The following UBAC2 variants were observed in gnomAD, a reference collection of about 807,000 sequenced individuals.
UBAC2 encodes the protein ubiquitin-associated domain-containing protein 2.
In UBAC2, 26 loss-of-function variants were observed where a neutral mutation model predicts 44.0. The ratio of observed to expected loss-of-function variants is 0.59; its 90% CI spans 0.43 to 0.82. The LOEUF (loss-of-function observed/expected upper bound fraction) is 0.82, where lower values mean the gene tolerates loss of function less well. Among genes scored for constraint, UBAC2 ranks in the 40% least tolerant of loss-of-function variants. The probability of loss-of-function intolerance (pLI) is 0.00; values close to 1 mark genes in which losing one functional copy is unlikely to be tolerated. For synonymous variants in UBAC2, 155 were observed against 154.3 expected, an observed-to-expected ratio of 1.00 and a Z score of -0.04; for missense variants, 329 against 419.4, an observed-to-expected ratio of 0.78 and a Z score of 1.88.
intron 1 of UBAC2, among the ~76,000 whole-genome samples, chr13:99,220,018 G>C (rs2043037235): frequency 1.3e-5 from 2 of 152,020 alleles, no homozygotes; most frequent in Admixed American, 1.3e-4. Context: ...ACATTTGTAT[G>C]TAGGTTTTTG....
At chr13:99,260,975 A>G (rs1566474484) in intron 4 of UBAC2, among the ~76,000 whole-genome samples, 1 of 152,254 alleles carries the variant, frequency 6.6e-6, no homozygotes, top group Non-Finnish European at 1.5e-5. Flanking sequence ...AGTGAATATA[A>G]TTCAGTTAAG....
chr13:99,321,683 T>G (rs1255921610), intron 6 of UBAC2, among the ~76,000 whole-genome samples: 1 of 152,238 alleles, frequency 6.6e-6, no homozygotes, highest in Non-Finnish European at 1.5e-5. Flanking sequence ...CTTTAAAATA[T>G]TCCACTGATT....
chr13:99,340,913 A>C (rs1352261584), intron 7 of UBAC2, among the ~76,000 whole-genome samples: 6 of 152,218 alleles, frequency 3.9e-5, no homozygotes, highest in Non-Finnish European at 7.3e-5. Flanking sequence ...TAAAATGCTA[A>C]TCATATGCTA....
chr13:99,300,495 T>A (rs1347856169), intron 4 of UBAC2, among the ~76,000 whole-genome samples: 1 of 152,256 alleles, frequency 6.6e-6, no homozygotes, highest in Non-Finnish European at 1.5e-5. Context: ...TATGCGTGAC[T>A]GTTACTATCC....
chr13:99,242,324 G>T (rs1030317482), intron 2 of UBAC2, among the ~76,000 whole-genome samples: 2 of 146,624 alleles, frequency 1.4e-5, no homozygotes, highest in Non-Finnish European at 3.0e-5. Flanking sequence ...CTGGCCGGGC[G>T]GGGGGCTGAC....
At chr13:99,240,642 C>T (rs1315272607) in intron 2 of UBAC2, among the ~76,000 whole-genome samples, 4 of 152,122 alleles carry the variant, frequency 2.6e-5, no homozygotes, top group Non-Finnish European at 4.4e-5. Context: ...TCGTGTACTG[C>T]CTCATTGATC....
chr13:99,255,745 G>A (rs756424491), intron 4 of UBAC2: 3 of 1,613,818 alleles, frequency 1.9e-6, no homozygotes, highest in Non-Finnish European at 8.5e-7. Context: ...AACCCATAAT[G>A]CAGTGATGTT....
At chr13:99,230,140 A>G (rs1009818113) in intron 1 of UBAC2, among the ~76,000 whole-genome samples, 1 of 152,162 alleles carries the variant, frequency 6.6e-6, no homozygotes, top group Non-Finnish European at 1.5e-5. Flanking sequence ...TGCTTCTCTA[A>G]CAAATTATCA....
At chr13:99,378,659 G>A (rs1430307630) in intron 8 of UBAC2, among the ~76,000 whole-genome samples, 1 of 152,228 alleles carries the variant, frequency 6.6e-6, no homozygotes, top group Non-Finnish European at 1.5e-5. Flanking sequence ...ATCCTTCAAA[G>A]TCACCACCTT....
chr13:99,276,394 T>C (rs1010461291), intron 4 of UBAC2, among the ~76,000 whole-genome samples: 4 of 152,248 alleles, frequency 2.6e-5, no homozygotes, highest in Non-Finnish European at 5.9e-5. Context: ...CCAGGTCTGA[T>C]ACATTTGCAG....
At chr13:99,346,509 G>A (rs746667383) in intron 7 of UBAC2, among the ~76,000 whole-genome samples, 5 of 152,166 alleles carry the variant, frequency 3.3e-5, no homozygotes, top group Admixed American at 1.3e-4. Flanking sequence ...ATGCCTCACC[G>A]GGTTACTCAC....
chr13:99,285,314 A>G (rs2044004583), intron 4 of UBAC2, among the ~76,000 whole-genome samples: 1 of 151,134 alleles, frequency 6.6e-6, no homozygotes. Flanking sequence ...TCCCTTTGGT[A>G]GAGTATTTTT....
chr13:99,313,730 C>CTGAAGAA (rs2044446738), intron 4 of UBAC2, among the ~76,000 whole-genome samples: 1 of 152,064 alleles, frequency 6.6e-6, no homozygotes, highest in Non-Finnish European at 1.5e-5. Flanking sequence ...TGAGATGAGG[C>CTGAAGAA]TTTTGGATTT....
At chr13:99,357,450 A>G (rs768334423) in intron 7 of UBAC2, among the ~76,000 whole-genome samples, 3 of 152,244 alleles carry the variant, frequency 2.0e-5, no homozygotes, top group Non-Finnish European at 4.4e-5. Flanking sequence ...TTTCAGGGCC[A>G]TAGGAAATTA....
In UBAC2 at chr13:99,248,624, C is replaced by T. The variant is rs1019714642; in HGVS notation, c.389+4000C>T. ...TCACAAACTCCTGACCTCAGGTGAT[C>T]GACCTGCCTTGGCCTCCCAAAGTGC... is the stretch of plus-strand genomic sequence containing the variant. On this transcript the variant is annotated intron_variant, in intron 4 of 8. Coordinates refer to ENST00000403766, the MANE Select transcript of UBAC2 (RefSeq NM_001144072.2). Among the ~76,000 whole-genome samples the T allele has an allele frequency of 4.6e-5, 7 of 152,158 alleles. No individual in the cohort carries two copies. In the East Asian group the frequency reaches 5.8e-4, roughly 13 times the overall value.
chr13:99,352,628 T>C lies in UBAC2; in HGVS notation c.807+12063T>C, dbSNP rs71438002. On this transcript the variant is annotated intron_variant, in intron 7 of 8. Coordinates refer to ENST00000403766, the MANE Select transcript of UBAC2 (RefSeq NM_001144072.2). ...AGGCCAGCTTCCTTAGGAAGCTTCC[T>C]GTTGCCTCTTGGCCTCACCAGTGCT... is the stretch of plus-strand genomic sequence containing the variant. Among the ~76,000 whole-genome samples, 291 of 147,180 alleles carry C rather than the reference T, an allele frequency of 2.0e-3. 1 individual carries two copies. The highest frequency in any genetic ancestry group is 3.6e-3 in the Non-Finnish European group (234 of 64,796).
chr13:99,383,263 C>G (rs990773147), intron 8 of UBAC2, among the ~76,000 whole-genome samples: 3 of 152,258 alleles, frequency 2.0e-5, no homozygotes, highest in African/African-American at 7.2e-5. Context: ...AAAATGCTCT[C>G]GAGTCAGGTC....
At chr13:99,285,149 ATAT>A (rs564348681) in intron 4 of UBAC2, among the ~76,000 whole-genome samples, 283 of 152,254 alleles carry the variant, frequency 1.9e-3, no homozygotes, top group Non-Finnish European at 3.1e-3. Flanking sequence ...TAATTCTGTA[ATAT>A]TATTTACTAC....
At chr13:99,292,662 C>T (rs2044106995) in intron 4 of UBAC2, among the ~76,000 whole-genome samples, 1 of 151,182 alleles carries the variant, frequency 6.6e-6, no homozygotes, top group Non-Finnish European at 1.5e-5. Flanking sequence ...TTACTATCCT[C>T]TCGCTGAATA....
Sources: gnomAD v4.1 joint callset for allele counts (sites outside exome capture counted in the v4.1 genomes callset) on GRCh38, gnomAD v4.1.1 for gene constraint, MANE v1.5 for transcripts, NCBI Gene and HGNC (gene_info 2026-07-23, HGNC 2026-07-21) for gene names.